The following CPE variants were observed in gnomAD, a reference collection of about 807,000 sequenced individuals.
CPE encodes carboxypeptidase E, also known as carbocypeptidase E.
A neutral mutation model predicts 53.5 loss-of-function variants in CPE; 17 were observed. The ratio of observed to expected loss-of-function variants is 0.32; its 90% CI spans 0.22 to 0.48. The LOEUF is 0.48. Among genes scored for constraint, CPE ranks in the 20% least tolerant of loss-of-function variants. CPE has a pLI of 0.99. For synonymous variants in CPE, 226 were observed against 228.8 expected, an observed-to-expected ratio of 0.99 and a Z score of 0.11; for missense variants, 524 against 614.7, an observed-to-expected ratio of 0.85 and a Z score of 1.56.
At chr4:165,486,036 AG>A (rs1242965929) in intron 5 of CPE, among the ~76,000 whole-genome samples, 2 of 152,192 alleles carry the variant, frequency 1.3e-5, no homozygotes, top group Non-Finnish European at 2.9e-5. Flanking sequence ...AGCATAAATT[AG>A]GGGCAGGTTT....
At chr4:165,459,378 G>T (rs908356817) in intron 1 of CPE, among the ~76,000 whole-genome samples, 8 of 152,130 alleles carry the variant, frequency 5.3e-5, no homozygotes, top group Non-Finnish European at 1.0e-4. Flanking sequence ...GAAAAAGATA[G>T]AAACTGGGCC....
intron 6 of CPE, among the ~76,000 whole-genome samples, chr4:165,489,253 G>T (rs933368528): frequency 1.1e-4 from 16 of 152,052 alleles, no homozygotes; most frequent in African/African-American, 3.9e-4. Flanking sequence ...CAAATACAGT[G>T]CTTTTTATTT....
At chr4:165,410,241 T>TAAAAAAA (rs70955614) in intron 1 of CPE, among the ~76,000 whole-genome samples, 2 of 119,672 alleles carry the variant, frequency 1.7e-5, no homozygotes, top group East Asian at 2.3e-4. Flanking sequence ...GGATACTCTG[T>TAAAAAAA]AAAAAAAAAA....
At chr4:165,483,897 C>T (rs1489725501) in intron 4 of CPE, among the ~76,000 whole-genome samples, 3 of 152,066 alleles carry the variant, frequency 2.0e-5, no homozygotes, top group African/African-American at 7.2e-5. Flanking sequence ...AATTTGAAGA[C>T]TTTGTGGTTT....
intron 1 of CPE, among the ~76,000 whole-genome samples, chr4:165,401,454 T>C (rs1428947231): frequency 6.6e-6 from 1 of 152,220 alleles, no homozygotes; most frequent in Non-Finnish European, 1.5e-5. Context: ...TGCCGTTTAA[T>C]AGCTTAATGG....
At chr4:165,451,732 C>T (rs1026225708) in intron 1 of CPE, among the ~76,000 whole-genome samples, 4 of 152,152 alleles carry the variant, frequency 2.6e-5, no homozygotes, top group Non-Finnish European at 5.9e-5. Flanking sequence ...CCTTGTGATC[C>T]ACCCGCCTCG....
intron 1 of CPE, among the ~76,000 whole-genome samples, chr4:165,396,525 G>T (rs1040147418): frequency 1.4e-4 from 21 of 151,946 alleles, no homozygotes; most frequent in African/African-American, 4.6e-4. Context: ...ACAAAAATTA[G>T]CAGGGTGTGG....
intron 6 of CPE, among the ~76,000 whole-genome samples, chr4:165,492,844 T>C (rs1732631119): frequency 6.6e-6 from 1 of 152,222 alleles, no homozygotes; most frequent in Non-Finnish European, 1.5e-5. Context: ...TAGTTTTTCC[T>C]TCTTTGGAGG....
intron 1 of CPE, among the ~76,000 whole-genome samples, chr4:165,432,711 CA>C (rs1468969880): frequency 6.6e-6 from 1 of 152,024 alleles, no homozygotes; most frequent in Non-Finnish European, 1.5e-5. Context: ...ACGGATTATT[CA>C]TATTCATCTC....
At chr4:165,476,330 C>T (rs1732299391) in intron 3 of CPE, among the ~76,000 whole-genome samples, 1 of 152,064 alleles carries the variant, frequency 6.6e-6, no homozygotes, top group South Asian at 2.1e-4. Flanking sequence ...TGATTCTTCC[C>T]TTGGGGTGGG....
At chr4:165,405,396 C>G in intron 1 of CPE, 1 of 1,037,058 alleles carries the variant, frequency 9.6e-7, no homozygotes, top group Non-Finnish European at 1.5e-6. Flanking sequence ...TTCTGAGATT[C>G]AGAGAGATAA....
intron 1 of CPE, among the ~76,000 whole-genome samples, chr4:165,451,362 C>A (rs1191529301): frequency 1.3e-5 from 2 of 152,186 alleles, no homozygotes; most frequent in African/African-American, 4.8e-5. Context: ...TGAGTAACAA[C>A]AATGGGTGAT....
At chr4:165,426,051 A>G (rs1731312231) in intron 1 of CPE, among the ~76,000 whole-genome samples, 1 of 152,182 alleles carries the variant, frequency 6.6e-6, no homozygotes. Flanking sequence ...CAGGGCTCTC[A>G]CAAGCTATGA....
intron 2 of CPE, among the ~76,000 whole-genome samples, chr4:165,466,499 A>G (rs1173645701): frequency 6.6e-6 from 1 of 152,108 alleles, no homozygotes; most frequent in Admixed American, 6.6e-5. Context: ...TGCAGTAATA[A>G]ATTAAACTTA....
In CPE at chr4:165,423,405, C is replaced by T. The variant is rs190396946; in HGVS notation, c.308-40985C>T. On this transcript the variant is annotated intron_variant, in intron 1 of 8. Transcript: ENST00000402744. The stretch of plus-strand genomic sequence containing the variant: ...TATTTTTTAAAAAAGTTTTATGCCT[C>T]TTTTCAAAGTTTTATTAATTTCCAG... Among the ~76,000 whole-genome samples, 31 of 151,954 alleles carry T rather than the reference C, an allele frequency of 2.0e-4. 1 individual carries two copies. The highest frequency in any genetic ancestry group is 2.0e-3 in the Admixed American group (30 of 15,266).
intron 1 of CPE, among the ~76,000 whole-genome samples, chr4:165,425,093 G>T (rs909196024): frequency 2.6e-5 from 4 of 151,890 alleles, no homozygotes; most frequent in African/African-American, 9.7e-5. Context: ...GGTCAGGGTG[G>T]TCTGGAACTC....
intron 1 of CPE, among the ~76,000 whole-genome samples, chr4:165,383,990 A>T (rs1579236539): frequency 6.6e-6 from 1 of 152,222 alleles, no homozygotes; most frequent in African/African-American, 2.4e-5. Flanking sequence ...GCTTGCCCCT[A>T]CATGATAGCC....
At position 165,493,287 on chromosome 4, in the gene CPE, A is replaced by T; in HGVS notation, c.1213+17A>T. 1 of 1,538,094 alleles carries T rather than the reference A, an allele frequency of 6.5e-7. No homozygotes were observed. ...TTACATCCGGTGGGTCTTTGCCACA[A>T]TTGGAGGCTCTACGTTATGTACAAG... On this transcript the variant is annotated intron_variant, in intron 7 of 8. Transcript: ENST00000402744.
At chr4:165,405,604 C>G (rs1579246457) in intron 1 of CPE, 1 of 791,906 alleles carries the variant, frequency 1.3e-6, no homozygotes, top group East Asian at 2.5e-5. Context: ...TTGGAGAGAT[C>G]TTCTTATCAG....
Sources: allele counts gnomAD v4.1 joint callset (sites outside exome capture counted in the v4.1 genomes callset), GRCh38; gene constraint gnomAD v4.1.1; transcripts MANE v1.5; gene names NCBI Gene and HGNC (gene_info 2026-07-23, HGNC 2026-07-21).